Variants in PALD1 observed in about 807,000 individuals in gnomAD.
PALD1 encodes phosphatase domain containing paladin 1.
Under a neutral mutation model 96.0 loss-of-function variants are expected in PALD1, and 57 were observed. That is an observed-to-expected ratio of 0.59 (90% CI 0.48 to 0.74). The LOEUF is 0.74. Among genes scored for constraint, PALD1 ranks in the 30% least tolerant of loss-of-function variants. PALD1 has a pLI of 0.00. For synonymous variants in PALD1, 464 were observed against 473.6 expected, an observed-to-expected ratio of 0.98 and a Z score of 0.26; for missense variants, 1,063 against 1,143.7, an observed-to-expected ratio of 0.93 and a Z score of 1.02.
At chr10:70,507,681 C>T (rs551362891) in intron 1 of PALD1, among the ~76,000 whole-genome samples, 1 of 152,172 alleles carries the variant, frequency 6.6e-6, no homozygotes, top group South Asian at 2.1e-4. Flanking sequence ...CTTGGCTTCC[C>T]AAAGTTCTGG....
In PALD1 at chr10:70,546,952, AAAC is replaced by A. The variant is rs541902484; in HGVS notation, c.2122-333_2122-331del. Among the ~76,000 whole-genome samples the A allele has an allele frequency of 5.3e-5, 8 of 152,016 alleles. No homozygotes were observed. The East Asian group carries it at 7.7e-4, about 15-fold the overall frequency. ...GATGACAGAGTGAGACTCTGTCTCC[AAAC>A]AACAACAACAACAACAACAATAAAT... On this transcript the variant is annotated intron_variant, in intron 17 of 19. Transcript: ENST00000263563.
intron 1 of PALD1, among the ~76,000 whole-genome samples, chr10:70,524,237 G>T (rs1846805865): frequency 1.3e-5 from 2 of 152,168 alleles, no homozygotes; most frequent in South Asian, 4.1e-4. Flanking sequence ...TTGGGGGCTG[G>T]CAGGGCAGCT....
At chr10:70,544,836 A>G (rs1847328249) in intron 17 of PALD1, among the ~76,000 whole-genome samples, 1 of 152,318 alleles carries the variant, frequency 6.6e-6, no homozygotes. Flanking sequence ...CCTGAGCCAG[A>G]TCTGCCACTA....
At chr10:70,496,575 C>T (rs1341668600) in intron 1 of PALD1, among the ~76,000 whole-genome samples, 6 of 152,190 alleles carry the variant, frequency 3.9e-5, no homozygotes, top group East Asian at 3.8e-4. Flanking sequence ...GGGAGTCACC[C>T]GTGTCGCTGC....
At chr10:70,493,109 T>G (rs1589172425) in intron 1 of PALD1, among the ~76,000 whole-genome samples, 1 of 152,224 alleles carries the variant, frequency 6.6e-6, no homozygotes, top group Non-Finnish European at 1.5e-5. Flanking sequence ...TCCGGCCCTT[T>G]CCAGCTGCCG....
rs553441701 is a variant in PALD1, at chr10:70,521,164, T to C, written c.-29-4759T>C. ...GTCCCTGACTGTGTATTGGAAGCTG[T>C]GTATCTCTCTAGGAGGCCTCGTCAG... On this transcript the variant is annotated intron_variant, in intron 1 of 19. Coordinates refer to ENST00000263563, the MANE Select transcript of PALD1 (RefSeq NM_014431.3). Among the ~76,000 whole-genome samples, 4 of 152,198 alleles carry C rather than the reference T, an allele frequency of 2.6e-5. No individual in the cohort carries two copies. The South Asian group carries it at 8.3e-4, about 32-fold the overall frequency.
chr10:70,512,012 C>T (rs550188899), intron 1 of PALD1, among the ~76,000 whole-genome samples: 5 of 151,956 alleles, frequency 3.3e-5, no homozygotes, highest in African/African-American at 9.7e-5. Context: ...GGAGACAGAG[C>T]GAGACTCCGT....
At chr10:70,542,619 T>C (rs1027303158) in intron 17 of PALD1, among the ~76,000 whole-genome samples, 2 of 152,250 alleles carry the variant, frequency 1.3e-5, no homozygotes, top group African/African-American at 4.8e-5. Context: ...TCTTTCCTTT[T>C]AGAGGCTGAA....
At chr10:70,531,604 A>G (rs1846992789) in intron 5 of PALD1, 150 bp downstream of exon 5, 3 of 680,476 alleles carry the variant, frequency 4.4e-6, no homozygotes, top group Admixed American at 3.0e-5. Flanking sequence ...AGGCTGACTC[A>G]CGGGCAGCCA....
At chr10:70,556,172 T>G (rs12776552) in intron 18 of PALD1, among the ~76,000 whole-genome samples, 80,514 of 151,760 alleles carry the variant, frequency 0.53, 22,257 homozygotes, top group Middle Eastern at 0.7. Context: ...GCTCTTTCAC[T>G]TGAACCCAGC....
At chr10:70,537,570 A>G (rs1847140055) in intron 10 of PALD1, among the ~76,000 whole-genome samples, 1 of 152,210 alleles carries the variant, frequency 6.6e-6, no homozygotes, top group African/African-American at 2.4e-5. Context: ...CCAGCCCTGC[A>G]CCTAGAACCA....
At chr10:70,514,301 C>G (rs1453529781) in intron 1 of PALD1, among the ~76,000 whole-genome samples, 1 of 152,202 alleles carries the variant, frequency 6.6e-6, no homozygotes, top group East Asian at 1.9e-4. Context: ...CCCGCAGTGG[C>G]AGCCCCGCCT....
chr10:70,527,089 T>C (rs1262288458), intron 2 of PALD1, among the ~76,000 whole-genome samples: 1 of 152,234 alleles, frequency 6.6e-6, no homozygotes. Context: ...GGAGTCTCTG[T>C]ACTGACAAAT....
At chr10:70,513,251 T>C (rs1447019629) in intron 1 of PALD1, among the ~76,000 whole-genome samples, 2 of 152,148 alleles carry the variant, frequency 1.3e-5, no homozygotes, top group East Asian at 3.8e-4. Context: ...TCTCACCACT[T>C]TGGGAGGCCG....
At chr10:70,464,750 C>T in the PALD1 span, among the ~76,000 whole-genome samples, 41 of 150,214 alleles carry the variant, frequency 2.7e-4, no homozygotes, top group East Asian at 3.2e-3. Flanking sequence ...TTCAGCCTCC[C>T]GAGCAGCTGG....
At chr10:70,529,148 G>A in intron 2 of PALD1, 81 bp from the exon 3 acceptor site, 1 of 643,932 alleles carries the variant, frequency 1.6e-6, no homozygotes, top group Non-Finnish European at 2.8e-6. Context: ...TCCTGCGGTG[G>A]GCTCTGTGAG....
intron 1 of PALD1, among the ~76,000 whole-genome samples, chr10:70,498,928 CAGA>C (rs869276385): frequency 1.6e-5 from 2 of 125,338 alleles, no homozygotes; most frequent in Non-Finnish European, 3.5e-5. Flanking sequence ...AACTTTATCT[CAGA>C]AAAAAAAAAA....
intron 18 of PALD1, among the ~76,000 whole-genome samples, chr10:70,551,451 C>G (rs1564708863): frequency 1.3e-5 from 2 of 152,142 alleles, no homozygotes; most frequent in Non-Finnish European, 2.9e-5. Flanking sequence ...AGGGCTTTAT[C>G]CCCTCCATCG....
intron 4 of PALD1, 55 bp from the exon 5 acceptor site, chr10:70,531,235 A>G: frequency 6.8e-7 from 1 of 1,476,880 alleles, no homozygotes; most frequent in Non-Finnish European, 9.4e-7. Flanking sequence ...GCAGTGGTGC[A>G]GGTGTCTGTG....
Sources: allele counts gnomAD v4.1 joint callset (sites outside exome capture counted in the v4.1 genomes callset), GRCh38; gene constraint gnomAD v4.1.1; transcripts MANE v1.5; gene names NCBI Gene and HGNC (gene_info 2026-07-23, HGNC 2026-07-21).